SERPINI1: variants seen among roughly 807,000 people sequenced by gnomAD.
SERPINI1 encodes the protein neuroserpin.
In SERPINI1, 19 loss-of-function variants were observed where a neutral mutation model predicts 41.1. The observed-to-expected ratio is 0.46, with a 90% CI of 0.32 to 0.68. The LOEUF (loss-of-function observed/expected upper bound fraction) is 0.68. Among genes scored for constraint, SERPINI1 ranks in the 30% least tolerant of loss-of-function variants. The probability of loss-of-function intolerance (pLI) is 0.03; values close to 1 mark genes in which losing one functional copy is unlikely to be tolerated. For missense variants in SERPINI1, 460 were observed against 479.2 expected, an observed-to-expected ratio of 0.96 and a Z score of 0.37; for synonymous variants, 138 against 156.6, an observed-to-expected ratio of 0.88 and a Z score of 0.89.
chr3:167,767,933 A>C (rs1336219064), intron 1 of SERPINI1, among the ~76,000 whole-genome samples: 1 of 152,214 alleles, frequency 6.6e-6, no homozygotes. Flanking sequence ...CTACTGGTGA[A>C]GATGCTGTGA....
intron 1 of SERPINI1, among the ~76,000 whole-genome samples, chr3:167,764,221 G>C (rs1726483358): frequency 6.6e-6 from 1 of 151,974 alleles, no homozygotes; most frequent in Non-Finnish European, 1.5e-5. Context: ...TAACTGCTGT[G>C]ATTATTAAGC....
intron 6 of SERPINI1, among the ~76,000 whole-genome samples, chr3:167,811,255 G>A (rs1711866561): frequency 6.6e-6 from 1 of 151,182 alleles, no homozygotes; most frequent in African/African-American, 2.4e-5. Context: ...GGGCAAAGAG[G>A]CCAGGAATTC....
intron 1 of SERPINI1, among the ~76,000 whole-genome samples, chr3:167,756,456 T>C (rs949967409): frequency 6.6e-6 from 1 of 151,710 alleles, no homozygotes; most frequent in Non-Finnish European, 1.5e-5. Context: ...CACCACCACA[T>C]TCATCTTTGT....
intron 1 of SERPINI1, among the ~76,000 whole-genome samples, chr3:167,784,881 T>C (rs1727258206): frequency 6.6e-6 from 1 of 152,098 alleles, no homozygotes. Flanking sequence ...TTGTTTAACT[T>C]AAAAAAATAT....
intron 1 of SERPINI1, among the ~76,000 whole-genome samples, chr3:167,765,336 A>G (rs1033907509): frequency 1.3e-5 from 2 of 152,180 alleles, no homozygotes; most frequent in Non-Finnish European, 2.9e-5. Flanking sequence ...ACTTCTGTGC[A>G]CTCACAGGCT....
At chr3:167,805,460 A>T (rs776657090) in intron 5 of SERPINI1, among the ~76,000 whole-genome samples, 1 of 152,174 alleles carries the variant, frequency 6.6e-6, no homozygotes, top group South Asian at 2.1e-4. Context: ...AGATGGATAG[A>T]TTGCAAAAAT....
intron 6 of SERPINI1, among the ~76,000 whole-genome samples, chr3:167,821,836 A>G (rs1222377959): frequency 6.6e-6 from 1 of 152,218 alleles, no homozygotes; most frequent in African/African-American, 2.4e-5. Context: ...ATTTTAAGGA[A>G]TTGGCTCATC....
At chr3:167,768,906 G>C (rs1256465978) in intron 1 of SERPINI1, among the ~76,000 whole-genome samples, 1 of 152,204 alleles carries the variant, frequency 6.6e-6, no homozygotes, top group Non-Finnish European at 1.5e-5. Context: ...ATTTGCTGCA[G>C]ACCAGCTTTT....
At chr3:167,749,066 G>A (rs1389926678) in intron 1 of SERPINI1, among the ~76,000 whole-genome samples, 1 of 152,134 alleles carries the variant, frequency 6.6e-6, no homozygotes, top group Non-Finnish European at 1.5e-5. Flanking sequence ...TTATATTTAT[G>A]TACATTCAGT....
chr3:167,823,540 T>G (rs1337431695), intron 7 of SERPINI1, among the ~76,000 whole-genome samples: 1 of 152,232 alleles, frequency 6.6e-6, no homozygotes, highest in Non-Finnish European at 1.5e-5. Context: ...ATGTAATGCA[T>G]AATAATGACA....
At chr3:167,762,972 C>G (rs1726435226) in intron 1 of SERPINI1, among the ~76,000 whole-genome samples, 1 of 152,092 alleles carries the variant, frequency 6.6e-6, no homozygotes. Context: ...GACTTTGGAG[C>G]CAGACCTGAT....
At chr3:167,791,802 T>G (rs1270633554) in intron 3 of SERPINI1, among the ~76,000 whole-genome samples, 1 of 152,202 alleles carries the variant, frequency 6.6e-6, no homozygotes, top group Non-Finnish European at 1.5e-5. Flanking sequence ...AATTTGAAAT[T>G]GATAATTTAA....
intron 1 of SERPINI1, among the ~76,000 whole-genome samples, chr3:167,780,081 C>A (rs1306916460): frequency 6.6e-6 from 1 of 152,050 alleles, no homozygotes; most frequent in Non-Finnish European, 1.5e-5. Flanking sequence ...AAAATATATA[C>A]TTCTTTAAAA....
chr3:167,793,871 T>TGTGTGTGTGTGTG (rs1727627317), intron 4 of SERPINI1, among the ~76,000 whole-genome samples: 11 of 151,136 alleles, frequency 7.3e-5, no homozygotes, highest in African/African-American at 2.7e-4. Flanking sequence ...TGTGTGTGTG[T>TGTGTGTGTGTGTG]TAATTTGGCT....
chr3:167,779,012 C>T (rs1319832575), intron 1 of SERPINI1, among the ~76,000 whole-genome samples: 1 of 152,182 alleles, frequency 6.6e-6, no homozygotes, highest in African/African-American at 2.4e-5. Flanking sequence ...CAGGTCAGTG[C>T]TAGTTGCTAT....
At chr3:167,815,788 G>T (rs996106817) in intron 6 of SERPINI1, among the ~76,000 whole-genome samples, 4 of 152,100 alleles carry the variant, frequency 2.6e-5, no homozygotes, top group Admixed American at 2.0e-4. Flanking sequence ...GTAGACATTT[G>T]CTATCCCTCA....
At chr3:167,771,415 A>G (rs1726743742) in intron 1 of SERPINI1, among the ~76,000 whole-genome samples, 1 of 152,220 alleles carries the variant, frequency 6.6e-6, no homozygotes, top group African/African-American at 2.4e-5. Context: ...AAACCAGTGT[A>G]TACGAATGTA....
intron 1 of SERPINI1, among the ~76,000 whole-genome samples, chr3:167,770,427 A>G (rs1179501273): frequency 1.1e-4 from 17 of 152,090 alleles, no homozygotes; most frequent in South Asian, 8.3e-4. Context: ...TTTATCATAT[A>G]GTAGATTATA....
intron 6 of SERPINI1, among the ~76,000 whole-genome samples, chr3:167,819,562 T>G (rs1007974909): frequency 6.6e-6 from 1 of 152,198 alleles, no homozygotes; most frequent in Non-Finnish European, 1.5e-5. Context: ...TAATACCAAA[T>G]AAGATCTGAG....
Sources: allele counts gnomAD v4.1 joint callset (sites outside exome capture counted in the v4.1 genomes callset), GRCh38; gene constraint gnomAD v4.1.1; transcripts MANE v1.5; gene names NCBI Gene and HGNC (gene_info 2026-07-23, HGNC 2026-07-21).